FNDC3A: variants seen among roughly 807,000 people sequenced by gnomAD.
The protein encoded by FNDC3A is fibronectin type-III domain-containing protein 3A.
FNDC3A carries 32 observed loss-of-function variants against 148.9 expected under a neutral mutation model. The ratio of observed to expected loss-of-function variants is 0.21; its 90% CI spans 0.16 to 0.29. The LOEUF (loss-of-function observed/expected upper bound fraction) is 0.29. Ranked by LOEUF, FNDC3A falls within the 10% of genes least tolerant of loss-of-function variation. The pLI is 1.00. For synonymous variants in FNDC3A, 472 were observed against 473.6 expected (o/e 1.00, Z 0.04); for missense variants, 1,191 against 1,452.8 (o/e 0.82, Z 2.93).
At chr13:49,176,785 G>A (rs904334288) in intron 13 of FNDC3A, among the ~76,000 whole-genome samples, 3 of 152,110 alleles carry the variant, frequency 2.0e-5, no homozygotes, top group African/African-American at 7.2e-5. Flanking sequence ...GAGAGGTTAG[G>A]TATGATGGAG....
intron 2 of FNDC3A, among the ~76,000 whole-genome samples, chr13:49,070,884 TTTTTTTTTTGTTTTG>T (rs1349807038): frequency 4.9e-5 from 7 of 144,032 alleles, no homozygotes; most frequent in Non-Finnish European, 9.2e-5. Context: ...AGGATTTCTT[TTTTTTTTTTGTTTTG>T]TTTTTTTTCT....
chr13:49,060,207 C>T (rs1386983661), intron 2 of FNDC3A, among the ~76,000 whole-genome samples: 1 of 152,108 alleles, frequency 6.6e-6, no homozygotes, highest in Non-Finnish European at 1.5e-5. Context: ...AAAACAAGTA[C>T]TGAAATACTT....
At chr13:49,083,527 G>T (rs1434140138) in intron 3 of FNDC3A, among the ~76,000 whole-genome samples, 3 of 151,754 alleles carry the variant, frequency 2.0e-5, no homozygotes, top group Non-Finnish European at 4.4e-5. Context: ...GACAAACTGG[G>T]ATTGTCCCAA....
At chr13:49,149,576 G>A (rs1174088182) in intron 8 of FNDC3A, among the ~76,000 whole-genome samples, 1 of 152,090 alleles carries the variant, frequency 6.6e-6, no homozygotes, top group Non-Finnish European at 1.5e-5. Context: ...TCTTTATAAT[G>A]TGCTGTTGAA....
intron 2 of FNDC3A, among the ~76,000 whole-genome samples, chr13:49,069,843 A>G (rs148846130): frequency 2.6e-5 from 4 of 152,346 alleles, no homozygotes; most frequent in Non-Finnish European, 4.4e-5. Context: ...TTCCAAAGCT[A>G]CTTTTGCTAG....
intron 2 of FNDC3A, among the ~76,000 whole-genome samples, chr13:49,061,802 T>TCTCTCCTCTCCTCTC (rs569457919): frequency 7.8e-5 from 3 of 38,336 alleles, no homozygotes; most frequent in Non-Finnish European, 1.5e-4. Context: ...CCTCTCCTCT[T>TCTCTCCTCTCCTCTC]CTCTCCTCTC....
At chr13:49,071,876 T>A (rs1877720561) in intron 2 of FNDC3A, among the ~76,000 whole-genome samples, 1 of 152,136 alleles carries the variant, frequency 6.6e-6, no homozygotes, top group African/African-American at 2.4e-5. Flanking sequence ...AGGGTCTCAC[T>A]ATGTCGCCCA....
At chr13:48,999,452 C>T (rs1952084991) in intron 1 of FNDC3A, among the ~76,000 whole-genome samples, 1 of 152,092 alleles carries the variant, frequency 6.6e-6, no homozygotes, top group African/African-American at 2.4e-5. Flanking sequence ...AGGAATTTTG[C>T]CTCAGGATGA....
At chr13:49,032,731 G>A (rs549966477) in intron 2 of FNDC3A, among the ~76,000 whole-genome samples, 48 of 151,236 alleles carry the variant, frequency 3.2e-4, no homozygotes, top group African/African-American at 1.2e-3. Context: ...GCGAGACTCC[G>A]TCTCAAAAAA....
At position 49,197,739 on chromosome 13, in the gene FNDC3A, T is replaced by A. The variant is rs567720121; in HGVS notation, c.2355T>A (p.Asn785Lys). The change falls in exon 21 of 26, where the codon AAT (asparagine) becomes AAA (lysine). Residue 785 changes from asparagine (N) to lysine (K), a missense_variant. Coordinates refer to ENST00000492622, the MANE Select transcript of FNDC3A (RefSeq NM_001079673.2). Reference protein sequence around the residue: ...AQVNWEVPLSNGTDVTEYRLE... With the variant: ...AQVNWEVPLSKGTDVTEYRLE... ...TTAATTTAAAGGTTCCTTTGAGTAA[T>A]GGAACAGATGTCACTGAATATCGAC... is the stretch of plus-strand genomic sequence containing the variant. The A allele has an allele frequency of 2.5e-6, 4 of 1,604,490 alleles. No homozygotes were observed. In the African/African-American group the frequency reaches 5.4e-5, roughly 22 times the overall value.
chr13:49,117,154 A>G (rs1566260683), intron 4 of FNDC3A, among the ~76,000 whole-genome samples: 1 of 152,208 alleles, frequency 6.6e-6, no homozygotes, highest in Non-Finnish European at 1.5e-5. Flanking sequence ...TGTAAATTAG[A>G]TAATCATCCG....
At chr13:49,204,697 A>G (rs1261697936) in intron 25 of FNDC3A, among the ~76,000 whole-genome samples, 1 of 152,194 alleles carries the variant, frequency 6.6e-6, no homozygotes, top group African/African-American at 2.4e-5. Context: ...GAATAACCTT[A>G]AGGCTTGTTT....
chr13:49,060,438 G>C (rs1275157878), intron 2 of FNDC3A, among the ~76,000 whole-genome samples: 2 of 152,130 alleles, frequency 1.3e-5, no homozygotes, highest in African/African-American at 4.8e-5. Flanking sequence ...GAAGTCAGGA[G>C]TTCGAGACCA....
At chr13:49,077,126 A>G (rs1268684095) in intron 3 of FNDC3A, among the ~76,000 whole-genome samples, 1 of 152,190 alleles carries the variant, frequency 6.6e-6, no homozygotes, top group Admixed American at 6.5e-5. Context: ...AAAAATTTAA[A>G]AATTAGGCAT....
intron 3 of FNDC3A, among the ~76,000 whole-genome samples, chr13:49,094,889 T>C (rs1879426379): frequency 6.6e-6 from 1 of 152,050 alleles, no homozygotes; most frequent in Non-Finnish European, 1.5e-5. Context: ...ATTTGATATA[T>C]ATTATTAAGG....
chr13:49,149,062 C>A (rs1210588812), intron 8 of FNDC3A, among the ~76,000 whole-genome samples: 2 of 151,764 alleles, frequency 1.3e-5, no homozygotes, highest in Non-Finnish European at 2.9e-5. Context: ...TTATATCCTG[C>A]AACTTACTGA....
At chr13:49,136,072 A>T (rs973983165) in intron 5 of FNDC3A, among the ~76,000 whole-genome samples, 2 of 152,142 alleles carry the variant, frequency 1.3e-5, no homozygotes, top group Admixed American at 6.5e-5. Flanking sequence ...GTTTCTATGG[A>T]GATTAATAAT....
chr13:49,020,959 A>G (rs572478650), intron 2 of FNDC3A, among the ~76,000 whole-genome samples: 3 of 152,332 alleles, frequency 2.0e-5, no homozygotes, highest in African/African-American at 7.2e-5. Flanking sequence ...TTCAGGAAAA[A>G]GATCTGATTC....
chr13:49,146,181 A>G, intron 8 of FNDC3A: 2 of 415,860 alleles, frequency 4.8e-6, no homozygotes, highest in Non-Finnish European at 8.6e-6. Flanking sequence ...TAGGCTCCCT[A>G]ATAGATGGTT....
Sources: gnomAD v4.1 joint callset for allele counts (sites outside exome capture counted in the v4.1 genomes callset) on GRCh38, gnomAD v4.1.1 for gene constraint, MANE v1.5 for transcripts, NCBI Gene and HGNC (gene_info 2026-07-23, HGNC 2026-07-21) for gene names.